The following P2RX7 variants were observed in gnomAD, a reference collection of about 807,000 sequenced individuals.
P2RX7 encodes the protein purinergic receptor P2X 7.
In P2RX7, 62 loss-of-function variants were observed where a neutral mutation model predicts 71.6. The ratio of observed to expected loss-of-function variants is 0.87; its 90% CI spans 0.71 to 1.07. The LOEUF is 1.07. P2RX7 is among the 50% of genes least tolerant of loss of function. The pLI is 0.00. For synonymous variants in P2RX7, 299 were observed against 283.3 expected (o/e 1.06, Z -0.56); for missense variants, 686 against 748.5 (o/e 0.92, Z 0.97).
intron 1 of P2RX7, among the ~76,000 whole-genome samples, chr12:121,141,497 G>A (rs1014533943): frequency 3.9e-5 from 6 of 152,330 alleles, no homozygotes; most frequent in Non-Finnish European, 5.9e-5. Flanking sequence ...GCTGAGGTGG[G>A]GCTGGGGAAG....
At chr12:121,148,941 A>C in intron 1 of P2RX7, 1 of 407,702 alleles carries the variant, frequency 2.5e-6, no homozygotes. Context: ...GTGTGAGCTA[A>C]GAGATACAAG....
Position 121,177,413 on chromosome 12 carries a change from G to A in P2RX7, c.1155G>A (p.Arg385=). 1.2e-6 allele frequency: 2 copies of A among 1,613,632 alleles called. No homozygotes were observed. Among genetic ancestry groups the A allele is most frequent in the Non-Finnish European group, 1.7e-6 (2 of 1,180,032 alleles). The change falls in exon 11 of 13, where the codon AGG becomes AGA. Residue 385 remains arginine, a synonymous_variant. Transcript: ENST00000328963. ...QPCVVNEYYY[R]KKCESIVEPK... ...GTGTGGTCAACGAATACTACTACAG[G>A]AAGAAGTGCGAGTCCATTGTGGAGC...
At chr12:121,133,130 A>C (rs766720354) in intron 1 of P2RX7, 35 bp downstream of exon 1, 2 of 1,612,900 alleles carry the variant, frequency 1.2e-6, no homozygotes, top group Non-Finnish European at 1.7e-6. Context: ...AGATCTCTGC[A>C]GTGGCCGACA....
At chr12:121,179,709 T>C (rs1883793719) in intron 11 of P2RX7, among the ~76,000 whole-genome samples, 1 of 152,156 alleles carries the variant, frequency 6.6e-6, no homozygotes, top group Non-Finnish European at 1.5e-5. Context: ...TAATTTAAGT[T>C]GCAATAGTAC....
chr12:121,148,188 T>TTTTTTTTA (rs1555223903), intron 1 of P2RX7, among the ~76,000 whole-genome samples: 53 of 140,486 alleles, frequency 3.8e-4, no homozygotes, highest in Non-Finnish European at 4.6e-4. Context: ...CTGGGATCTT[T>TTTTTTTTA]TTTATTTATT....
At chr12:121,164,955 C>T (rs571335727) in intron 5 of P2RX7, among the ~76,000 whole-genome samples, 13 of 152,138 alleles carry the variant, frequency 8.5e-5, no homozygotes, top group South Asian at 4.2e-4. Context: ...GAGCAGGAGG[C>T]GGGTTTCGGG....
At chr12:121,156,188 T>A (rs1048631885) in intron 3 of P2RX7, 41 bp downstream of exon 3, 7 of 1,534,084 alleles carry the variant, frequency 4.6e-6, no homozygotes, top group Non-Finnish European at 5.4e-6. Flanking sequence ...GTCTTAAGAG[T>A]TCCTGGGGGA....
chr12:121,165,706 A>G (rs981806662), intron 6 of P2RX7, among the ~76,000 whole-genome samples: 9 of 152,182 alleles, frequency 5.9e-5, no homozygotes, highest in African/African-American at 2.2e-4. Context: ...GGGAGAGCTC[A>G]GTTCCTCACC....
rs374771363 is a variant in P2RX7, at chr12:121,160,017, G to A, written c.364-885G>A. Among the ~76,000 whole-genome samples the A allele has an allele frequency of 5.0e-4, 76 of 152,192 alleles. 1 individual carries two copies. The South Asian group carries it at 0.01, about 21-fold the overall frequency. On this transcript the variant is annotated intron_variant, in intron 3 of 12. Coordinates refer to ENST00000328963, the MANE Select transcript of P2RX7 (RefSeq NM_002562.6). ...CCCCACCATTTTAAAGTGTACATAC[G>A]GTTCAGTGGTTTTTAGTATAATCAC...
Position 121,133,097 on chromosome 12 carries a change from T to G in P2RX7, c.125+2T>G, listed in dbSNP as rs1464668885. 6.2e-7 allele frequency: 1 copy of G among 1,613,918 alleles called. No homozygotes were observed. The highest frequency in any genetic ancestry group is 8.5e-7 in the Non-Finnish European group (1 of 1,179,978). On this transcript the variant is annotated splice_donor_variant, in intron 1 of 12. Transcript: ENST00000328963. LOFTEE classifies it high-confidence loss of function. Reference sequence around the variant, plus strand: ...CGTGATCATCTTTTCCTACGTTTGGTAAGTGGGATCTGGGGAGGACCCAGA... The same window carrying G: ...CGTGATCATCTTTTCCTACGTTTGGGAAGTGGGATCTGGGGAGGACCCAGA...
intron 11 of P2RX7, 94 bp from the exon 12 acceptor site, chr12:121,180,260 C>A: frequency 1.8e-6 from 1 of 549,450 alleles, no homozygotes; most frequent in Non-Finnish European, 3.2e-6. Context: ...AATAGTCTAT[C>A]ATTTGGCAAA....
chr12:121,148,871 C>T, intron 1 of P2RX7: 1 of 294,360 alleles, frequency 3.4e-6, no homozygotes. Context: ...GCACTGCAGG[C>T]ACAGTCCTGG....
In P2RX7 at chr12:121,154,685, G is replaced by A; in HGVS notation, c.126-100G>A. On this transcript the variant is annotated intron_variant, in intron 1 of 12. Coordinates refer to ENST00000328963, the MANE Select transcript of P2RX7 (RefSeq NM_002562.6). This position sits in a 1 kb window ranked among gnomAD's most constrained non-coding sequence, Gnocchi z 4.2. ...TCACACGGAAGCAAGTCACGCAGCAGAGCTAGGATTGGAACAGAAGTGCCT... is the reference window on the plus strand; with the variant it reads ...TCACACGGAAGCAAGTCACGCAGCAAAGCTAGGATTGGAACAGAAGTGCCT... 1.3e-6 allele frequency: 1 copy of A among 799,414 alleles called. No individual in the cohort carries two copies. The highest frequency in any genetic ancestry group is 2.4e-5 in the East Asian group (1 of 41,300). The allele number at this position is 799,414 out of a possible 1,614,324, so 49.5% of individuals were successfully genotyped here.
intron 5 of P2RX7, 52 bp downstream of exon 5, chr12:121,162,572 G>A (rs1234434871): frequency 1.3e-6 from 2 of 1,597,176 alleles, no homozygotes; most frequent in Non-Finnish European, 1.7e-6. Flanking sequence ...GACCAGATGA[G>A]GCCTTGCCGA....
rs557169985 is a variant in P2RX7 at position 121,148,293 on chromosome 12, C to T, written c.126-6492C>T. Among the ~76,000 whole-genome samples the T allele has an allele frequency of 2.6e-5, 4 of 151,886 alleles. No individual in the cohort carries two copies. The South Asian group carries it at 8.3e-4, about 32-fold the overall frequency. ...GCAATGGCATGATCTTGGCTCACTG[C>T]AACCTCCGCCTCCCAGGTTCAAACG... On this transcript the variant is annotated intron_variant, in intron 1 of 12. Coordinates refer to ENST00000328963, the MANE Select transcript of P2RX7 (RefSeq NM_002562.6).
Position 121,176,878 on chromosome 12 carries a change from GCCCTTCAGTGGGTCTC to G in P2RX7, c.973-263_973-248del, listed in dbSNP as rs1883245375. On this transcript the variant is annotated intron_variant, in intron 9 of 12. Transcript: ENST00000328963. ...CCTCACCTTGTATGGAGAAATGATAGCCCTTCAGTGGGTCTCCCCTTAATGTGTGGGCCCCAGTGCT... is the reference window on the plus strand; with the variant it reads ...CCTCACCTTGTATGGAGAAATGATAGCCCTTAATGTGTGGGCCCCAGTGCT... Among the ~76,000 whole-genome samples the G allele has an allele frequency of 2.6e-5, 4 of 151,892 alleles. No individual in the cohort carries two copies. In the South Asian group the frequency reaches 8.3e-4, roughly 32 times the overall value.
At chr12:121,174,541 A>T (rs1326087908) in intron 8 of P2RX7, among the ~76,000 whole-genome samples, 4 of 152,008 alleles carry the variant, frequency 2.6e-5, no homozygotes, top group Non-Finnish European at 5.9e-5. Context: ...AAAACAAAAA[A>T]CACAACTTCA....
intron 3 of P2RX7, among the ~76,000 whole-genome samples, chr12:121,158,808 T>C (rs1289723346): frequency 6.6e-6 from 1 of 152,246 alleles, no homozygotes; most frequent in Non-Finnish European, 1.5e-5. Context: ...TCATCTCCAG[T>C]TGATAATGAA....
At chr12:121,147,675 G>A (rs543204144) in intron 1 of P2RX7, among the ~76,000 whole-genome samples, 1 of 152,156 alleles carries the variant, frequency 6.6e-6, no homozygotes, top group African/African-American at 2.4e-5. Context: ...GCAGTGGCAC[G>A]ATCTTGGCTC....
Sources: gnomAD v4.1 joint callset for allele counts (sites outside exome capture counted in the v4.1 genomes callset) on GRCh38, gnomAD v4.1.1 for gene constraint, Gnocchi (gnomAD v3.1) non-coding constraint, MANE v1.5 for transcripts, NCBI Gene and HGNC (gene_info 2026-07-23, HGNC 2026-07-21) for gene names.